Variants in ZPBP observed in about 807,000 individuals in gnomAD.
The protein encoded by ZPBP is zona pellucida-binding protein 1.
ZPBP carries 26 observed loss-of-function variants against 44.8 expected under a neutral mutation model. That is an observed-to-expected ratio of 0.58 (90% confidence interval 0.43 to 0.81). The LOEUF is 0.81. Among genes scored for constraint, ZPBP ranks in the 30% least tolerant of loss-of-function variants. The pLI is 0.00. For missense variants in ZPBP, 409 were observed against 434.0 expected, an observed-to-expected ratio of 0.94 and a Z score of 0.51; for synonymous variants, 174 against 153.2, an observed-to-expected ratio of 1.14 and a Z score of -1.00.
intron 7 of ZPBP, among the ~76,000 whole-genome samples, chr7:49,941,019 C>G (rs1273967360): frequency 6.6e-6 from 1 of 152,054 alleles, no homozygotes; most frequent in Non-Finnish European, 1.5e-5. Context: ...AGAAAAAAAG[C>G]ACATGCTCAG....
intron 2 of ZPBP, among the ~76,000 whole-genome samples, chr7:49,874,180 C>CCA (rs139144140): frequency 0.034 from 5,059 of 149,530 alleles, 244 homozygotes; most frequent in African/African-American, 0.11. Context: ...ATGCACACAC[C>CCA]CACACACACA....
chr7:49,934,918 T>C (rs915596793), downstream of ZPBP, among the ~76,000 whole-genome samples: 1 of 152,196 alleles, frequency 6.6e-6, no homozygotes, highest in African/African-American at 2.4e-5. Context: ...AATTATCAGA[T>C]GATATAATTG....
Position 49,937,500 on chromosome 7 carries a change from A to T in ZPBP, c.*28T>A. 6.6e-7 allele frequency: 1 copy of T among 1,520,490 alleles called. No individual in the cohort carries two copies. The highest frequency in any genetic ancestry group is 9.1e-7 in the Non-Finnish European group (1 of 1,094,988). 94.2% of individuals were successfully genotyped at this position (1,520,490 alleles called of 1,614,324 possible). ...TTCAAATATATACTTTGCATTTAAT[A>T]AACCACTGAATAACTGAAGATAATG... On this transcript the variant is annotated 3_prime_UTR_variant, in exon 8 of 8. Coordinates refer to ENST00000046087, the MANE Select transcript of ZPBP (RefSeq NM_007009.3).
intron 2 of ZPBP, among the ~76,000 whole-genome samples, chr7:49,873,111 G>A (rs1791245113): frequency 6.6e-6 from 1 of 152,048 alleles, no homozygotes; most frequent in African/African-American, 2.4e-5. Context: ...ACAAACGAAA[G>A]CAAATTCTTA....
downstream of ZPBP, among the ~76,000 whole-genome samples, chr7:49,846,027 C>T (rs1336414170): frequency 6.6e-6 from 1 of 152,224 alleles, no homozygotes; most frequent in Non-Finnish European, 1.5e-5. Context: ...GGAAGTTATC[C>T]ATGTTGTCCT....
At chr7:50,089,551 A>C (rs1367465576) in intron 2 of ZPBP, 78 bp downstream of exon 2, 1 of 1,073,376 alleles carries the variant, frequency 9.3e-7, no homozygotes, top group Admixed American at 2.0e-5. Flanking sequence ...GAAGAGCATT[A>C]GCCTTTTGGA....
rs937467695 is a variant in ZPBP at position 50,066,355 on chromosome 7, T to C, written c.335-8214A>G. 1.8e-4 allele frequency among the ~76,000 whole-genome samples: 27 copies of C among 150,346 alleles called. 1 individual carries two copies. The highest frequency in any genetic ancestry group is 6.4e-4 in the African/African-American group (26 of 40,506). Reference sequence around the variant, plus strand: ...AACATACATATAGCTGATTATTTCCTGGGTCACAGACTGAATAGGTGGTCT... The same window carrying C: ...AACATACATATAGCTGATTATTTCCCGGGTCACAGACTGAATAGGTGGTCT... On this transcript the variant is annotated intron_variant, in intron 3 of 7. Coordinates refer to ENST00000046087, the MANE Select transcript of ZPBP (RefSeq NM_007009.3).
At chr7:49,878,631 A>G (rs1791545528) in intron 2 of ZPBP, among the ~76,000 whole-genome samples, 1 of 152,072 alleles carries the variant, frequency 6.6e-6, no homozygotes, top group African/African-American at 2.4e-5. Flanking sequence ...CAAGTTGTAT[A>G]TTATTATTAG....
chr7:49,964,152 T>C (rs1371954508), intron 7 of ZPBP, among the ~76,000 whole-genome samples: 2 of 151,938 alleles, frequency 1.3e-5, no homozygotes, highest in African/African-American at 4.8e-5. Flanking sequence ...CTTAATCTGA[T>C]AAAGGGTATC....
intron 3 of ZPBP, among the ~76,000 whole-genome samples, chr7:50,078,304 A>G (rs912971675): frequency 1.1e-4 from 17 of 151,690 alleles, no homozygotes; most frequent in Admixed American, 1.1e-3. Flanking sequence ...AAAAATAGAA[A>G]AAATGAATAA....
chr7:49,947,972 A>T (rs1266072433), intron 7 of ZPBP, among the ~76,000 whole-genome samples: 1 of 152,198 alleles, frequency 6.6e-6, no homozygotes, highest in African/African-American at 2.4e-5. Context: ...CTCTATGACC[A>T]TCATTGCCCC....
chr7:50,017,952 T>A (rs1188811914), intron 6 of ZPBP, among the ~76,000 whole-genome samples: 3 of 152,096 alleles, frequency 2.0e-5, no homozygotes, highest in Non-Finnish European at 4.4e-5. Flanking sequence ...CAATATTCTA[T>A]CTGAATAATA....
chr7:49,886,980 CATTTTTACTTTT>C (rs1171017195), intron 2 of ZPBP, among the ~76,000 whole-genome samples: 5 of 151,744 alleles, frequency 3.3e-5, no homozygotes, highest in Non-Finnish European at 7.4e-5. Flanking sequence ...CCTTTACCTT[CATTTTTACTTTT>C]ACCTATATTC....
intron 1 of ZPBP, chr7:49,914,251 C>A (rs1380317219): frequency 6.6e-6 from 1 of 152,224 alleles, no homozygotes; most frequent in Admixed American, 6.5e-5. Context: ...CTTCCTGTTT[C>A]CCTTAATAAT....
At chr7:50,045,732 T>G (rs1023660691) in intron 4 of ZPBP, among the ~76,000 whole-genome samples, 3 of 152,204 alleles carry the variant, frequency 2.0e-5, no homozygotes, top group Admixed American at 2.0e-4. Context: ...GAAAGTCATT[T>G]ATAGATTCAA....
chr7:50,056,508 C>A (rs1225195506), intron 4 of ZPBP: 1 of 152,150 alleles, frequency 6.6e-6, no homozygotes, highest in Non-Finnish European at 1.5e-5. Flanking sequence ...TCTGCTAAAT[C>A]CCTTTTGCCA....
intron 2 of ZPBP, among the ~76,000 whole-genome samples, chr7:50,087,445 T>C (rs1378429527): frequency 6.6e-6 from 1 of 151,912 alleles, no homozygotes; most frequent in East Asian, 1.9e-4. Context: ...AGAAAAAGCA[T>C]TTAGCAAAAT....
intron 3 of ZPBP, among the ~76,000 whole-genome samples, chr7:50,076,162 C>T (rs1347868131): frequency 6.6e-6 from 1 of 151,458 alleles, no homozygotes; most frequent in East Asian, 1.9e-4. Flanking sequence ...CATGAACGAT[C>T]ATGTTTTGAT....
At chr7:50,064,253 G>A (rs1055477266) in intron 3 of ZPBP, among the ~76,000 whole-genome samples, 4 of 152,194 alleles carry the variant, frequency 2.6e-5, no homozygotes, top group African/African-American at 9.7e-5. Flanking sequence ...AGGTGTGGGT[G>A]ACAGACATCA....
Sources: gnomAD v4.1 joint callset for allele counts (sites outside exome capture counted in the v4.1 genomes callset) on GRCh38, gnomAD v4.1.1 for gene constraint, MANE v1.5 for transcripts, NCBI Gene and HGNC (gene_info 2026-07-23, HGNC 2026-07-21) for gene names.